Variants in MTUS2 observed in about 807,000 individuals in gnomAD.
The protein encoded by MTUS2 is microtubule associated scaffold protein 2.
A neutral mutation model predicts 114.1 loss-of-function variants in MTUS2; 40 were observed. The ratio of observed to expected loss-of-function variants is 0.35; its 90% CI spans 0.27 to 0.46. MTUS2 has a LOEUF of 0.46. Among genes scored for constraint, MTUS2 ranks in the 20% least tolerant of loss-of-function variants. The pLI is 1.00. For missense variants in MTUS2, 1,679 were observed against 1,705.4 expected (o/e 0.98, Z 0.27); for synonymous variants, 688 against 672.0 (o/e 1.02, Z -0.37).
intron 7 of MTUS2, among the ~76,000 whole-genome samples, chr13:29,335,786 C>G (rs1402305203): frequency 6.6e-6 from 1 of 152,206 alleles, no homozygotes; most frequent in Non-Finnish European, 1.5e-5. Context: ...AGAGTGTTTT[C>G]CAACTTGGTT....
chr13:28,826,620 A>G (rs1199105630), intron 1 of MTUS2, among the ~76,000 whole-genome samples: 3 of 152,198 alleles, frequency 2.0e-5, no homozygotes, highest in Non-Finnish European at 4.4e-5. Flanking sequence ...CCTGATACTG[A>G]CTTTAGAAAG....
intron 4 of MTUS2, among the ~76,000 whole-genome samples, chr13:29,087,212 C>T (rs1178926116): frequency 6.6e-6 from 1 of 152,142 alleles, no homozygotes; most frequent in East Asian, 1.9e-4. Flanking sequence ...AGCTTTTGCC[C>T]ATTCAGTATG....
At chr13:29,118,821 A>G (rs1365920754) in intron 5 of MTUS2, among the ~76,000 whole-genome samples, 1 of 152,160 alleles carries the variant, frequency 6.6e-6, no homozygotes, top group Non-Finnish European at 1.5e-5. Flanking sequence ...GTCACCTTGG[A>G]CAAATCACAT....
At chr13:29,393,861 C>G (rs1873704073) in intron 8 of MTUS2, among the ~76,000 whole-genome samples, 2 of 152,046 alleles carry the variant, frequency 1.3e-5, no homozygotes, top group Non-Finnish European at 2.9e-5. Flanking sequence ...GAGGGGGCTT[C>G]CAGGTCATAG....
intron 6 of MTUS2, among the ~76,000 whole-genome samples, chr13:29,296,424 T>C (rs986469732): frequency 2.6e-5 from 4 of 152,096 alleles, no homozygotes; most frequent in African/African-American, 9.7e-5. Flanking sequence ...TTGTCCAGGC[T>C]GGTCTTGAAC....
Position 29,267,082 on chromosome 13 carries a change from G to A in MTUS2, c.2645-14622G>A, listed in dbSNP as rs543221589. Among the ~76,000 whole-genome samples the A allele has an allele frequency of 6.6e-5, 10 of 152,280 alleles. No homozygotes were observed. The South Asian group carries it at 1.9e-3, about 28-fold the overall frequency. On this transcript the variant is annotated intron_variant, in intron 5 of 15. Transcript: ENST00000612955. ...AGCTGGTGGCATTGTCTCAGCAAGA[G>A]GCACTAAGGGCTAACCTGGTGCCCA...
intron 6 of MTUS2, among the ~76,000 whole-genome samples, chr13:29,283,971 A>T (rs937481991): frequency 2.6e-5 from 4 of 152,254 alleles, no homozygotes; most frequent in African/African-American, 9.6e-5. Flanking sequence ...TGGTGGGAAT[A>T]TAAAATGGTA....
intron 1 of MTUS2, among the ~76,000 whole-genome samples, chr13:28,830,002 T>C (rs966337739): frequency 2.6e-5 from 4 of 152,176 alleles, no homozygotes; most frequent in African/African-American, 7.2e-5. Flanking sequence ...GTTAAAAGCA[T>C]GTACCCCACC....
At chr13:29,071,522 G>A (rs541255994) in intron 4 of MTUS2, among the ~76,000 whole-genome samples, 1 of 136,268 alleles carries the variant, frequency 7.3e-6, no homozygotes, top group Admixed American at 8.2e-5. Flanking sequence ...TGCCTCCCGG[G>A]TTCAAGTGAT....
rs1566201246 is a variant in MTUS2 at position 29,440,069 on chromosome 13, T to C, written c.3184+20T>C. On this transcript the variant is annotated intron_variant, in intron 9 of 15. Coordinates refer to ENST00000612955, the MANE Select transcript of MTUS2 (RefSeq NM_001033602.4). ...AAGTTGGTAAGTAGGGCATTGACAA[T>C]GAGGAGCATAAAGAATGTCTTTTCC... 4 of 1,566,368 alleles carry C rather than the reference T, an allele frequency of 2.6e-6. No individual in the cohort carries two copies. Among genetic ancestry groups the C allele is most frequent in the Non-Finnish European group, 8.7e-7 (1 of 1,152,992 alleles).
rs1303647157 is a variant in MTUS2 at position 29,033,966 on chromosome 13, G to A, written c.2287G>A (p.Ala763Thr). The A allele has an allele frequency of 1.2e-6, 2 of 1,613,968 alleles. No individual in the cohort carries two copies. The highest frequency in any genetic ancestry group is 1.7e-6 in the Non-Finnish European group (2 of 1,179,888). ...YEVPPTFYRSAMLLKPQLGLG... is the reference protein window; with the variant it reads ...YEVPPTFYRSTMLLKPQLGLG... The stretch of plus-strand genomic sequence containing the variant: ...AGTCCCTCCAACTTTCTATCGGTCA[G>A]CCATGCTCCTTAAGCCCCAGCTAGG... Residue 763 changes from alanine (A) to threonine (T), a missense_variant, in exon 4 of 16, where the codon GCC (alanine) becomes ACC (threonine). Physicochemically the swap from Ala to Thr is moderately conservative, Grantham distance 58 (BLOSUM62 0). Around this residue, in one of 3 missense-constraint regions of MTUS2, gnomAD observed 822 missense variants for 899.7 expected, o/e 0.91. Transcript: ENST00000612955.
At chr13:29,149,761 T>TA (rs1892592869) in intron 5 of MTUS2, among the ~76,000 whole-genome samples, 1 of 152,234 alleles carries the variant, frequency 6.6e-6, no homozygotes, top group African/African-American at 2.4e-5. Context: ...CACCATTTAT[T>TA]AAAAAGGGAC....
intron 8 of MTUS2, among the ~76,000 whole-genome samples, chr13:29,429,836 A>C (rs1413141429): frequency 4.6e-5 from 7 of 152,218 alleles, no homozygotes; most frequent in Non-Finnish European, 8.8e-5. Context: ...GGCTTAATAT[A>C]CATGCTCATC....
Position 29,108,145 on chromosome 13 carries a change from A to C in MTUS2, c.2644+7175A>C, listed in dbSNP as rs1890743345. Among the ~76,000 whole-genome samples the C allele has an allele frequency of 2.0e-5, 3 of 152,352 alleles. No homozygotes were observed. The South Asian group carries it at 6.2e-4, about 32-fold the overall frequency. ...AGGGTTGACAAGAAATGTTATTAAT[A>C]ACTTACAGAAACAGCCATTAACCCA... On this transcript the variant is annotated intron_variant, in intron 5 of 15. Transcript: ENST00000612955.
chr13:29,201,541 C>G (rs1894959687), intron 5 of MTUS2, among the ~76,000 whole-genome samples: 1 of 152,122 alleles, frequency 6.6e-6, no homozygotes, highest in Non-Finnish European at 1.5e-5. Flanking sequence ...TGAATTTGAT[C>G]CTGTCATTAT....
chr13:29,210,840 A>G (rs1377999470), intron 5 of MTUS2, among the ~76,000 whole-genome samples: 1 of 106,392 alleles, frequency 9.4e-6, no homozygotes, highest in African/African-American at 3.2e-5. Context: ...CAGGGGAGTG[A>G]AATGGACTCT....
chr13:29,127,725 A>G (rs1377716335), intron 5 of MTUS2, among the ~76,000 whole-genome samples: 3 of 152,206 alleles, frequency 2.0e-5, no homozygotes, highest in Non-Finnish European at 4.4e-5. Context: ...ACATGGCTGC[A>G]CCGGGCCCCG....
chr13:28,993,241 T>C (rs543342614), intron 2 of MTUS2, among the ~76,000 whole-genome samples: 2 of 152,232 alleles, frequency 1.3e-5, no homozygotes, highest in South Asian at 2.1e-4. Context: ...CAATTCTTTT[T>C]GTGTATACCT....
intron 5 of MTUS2, among the ~76,000 whole-genome samples, chr13:29,232,915 T>C (rs1896389660): frequency 1.3e-5 from 2 of 152,220 alleles, no homozygotes; most frequent in Non-Finnish European, 2.9e-5. Context: ...AAAATTCGGC[T>C]GTTGTTTTCA....
Sources: allele counts gnomAD v4.1 joint callset (sites outside exome capture counted in the v4.1 genomes callset), GRCh38; gene constraint gnomAD v4.1.1; regional missense constraint gnomAD v4.1.1; transcripts MANE v1.5; gene names NCBI Gene and HGNC (gene_info 2026-07-23, HGNC 2026-07-21).